KLRD1: variants seen among roughly 807,000 people sequenced by gnomAD.
The protein encoded by KLRD1 is killer cell lectin like receptor D1.
KLRD1 carries 21 observed loss-of-function variants against 22.6 expected under a neutral mutation model. The observed-to-expected ratio is 0.93, with a 90% CI of 0.66 to 1.34. The LOEUF is 1.34. Among genes scored for constraint, KLRD1 ranks in the 40% most tolerant of loss-of-function variants. The pLI is 0.00. For missense variants in KLRD1, 183 were observed against 208.6 expected, an observed-to-expected ratio of 0.88 and a Z score of 0.76; for synonymous variants, 59 against 71.1, an observed-to-expected ratio of 0.83 and a Z score of 0.85.
chr12:10,291,040 A>G (rs1164282170), intron 1 of KLRD1, among the ~76,000 whole-genome samples: 2 of 152,238 alleles, frequency 1.3e-5, no homozygotes, highest in African/African-American at 2.4e-5. Flanking sequence ...AGCAAGTCAC[A>G]TGAATTTTTT....
At chr12:10,239,531 CTT>C (rs772997017) in intron 1 of KLRD1, among the ~76,000 whole-genome samples, 24,228 of 74,272 alleles carry the variant, frequency 0.33, 3,212 homozygotes, top group South Asian at 0.43. Context: ...TTCTTTCTTT[CTT>C]TCTTTCTTTC....
intron 1 of KLRD1, among the ~76,000 whole-genome samples, chr12:10,248,292 A>G (rs370474236): frequency 5.4e-5 from 8 of 148,662 alleles, no homozygotes; most frequent in East Asian, 3.9e-4. Context: ...AAAAAACTCT[A>G]AATAATGAGC....
At chr12:10,265,866 C>T (rs1592040074) in intron 1 of KLRD1, among the ~76,000 whole-genome samples, 1 of 152,322 alleles carries the variant, frequency 6.6e-6, no homozygotes, top group East Asian at 1.9e-4. Flanking sequence ...AGCATAATTT[C>T]CTTTTTCAAT....
chr12:10,311,457 C>T lies in KLRD1; in HGVS notation c.164-7C>T. 1 of 1,610,744 alleles carries T rather than the reference C, an allele frequency of 6.2e-7. No individual in the cohort carries two copies. Among genetic ancestry groups the T allele is most frequent in the South Asian group, 1.1e-5 (1 of 90,918 alleles). On this transcript the variant is annotated splice_region_variant and splice_polypyrimidine_tract_variant and intron_variant, in intron 3 of 5. Coordinates refer to ENST00000336164, the MANE Select transcript of KLRD1 (RefSeq NM_002262.5). ...TGTCATTAGTCATGCTTTATGTTTT[C>T]TGTCAGACTCTGACTGCTGTTCTTG...
chr12:10,271,012 G>C (rs1949544295), intron 1 of KLRD1, among the ~76,000 whole-genome samples: 1 of 151,872 alleles, frequency 6.6e-6, no homozygotes, highest in Non-Finnish European at 1.5e-5. Flanking sequence ...TCGAATTCCT[G>C]ACCTCAGGTG....
At position 10,326,310 on chromosome 12, in the gene KLRD1, A is replaced by T. The variant is rs1950361621; in HGVS notation, c.*11517A>T. 6.6e-6 allele frequency: 1 copy of T among 152,154 alleles called. No homozygotes were observed. The highest frequency in any genetic ancestry group is 1.5e-5 in the Non-Finnish European group (1 of 68,028). The allele number at this position is 152,154 out of a possible 1,614,324, so 9.4% of individuals were successfully genotyped here. ...CCTTTGTGAACCCTGAAAATTTGAGACAGGTCTCAGTTAATTTAGAAAGTT... is the reference window on the plus strand; with the variant it reads ...CCTTTGTGAACCCTGAAAATTTGAGTCAGGTCTCAGTTAATTTAGAAAGTT... On this transcript the variant is annotated 3_prime_UTR_variant, in exon 6 of 6. Coordinates refer to ENST00000336164, the MANE Select transcript of KLRD1 (RefSeq NM_002262.5).
Position 10,326,803 on chromosome 12 carries a change from A to G in KLRD1, c.*12010A>G, listed in dbSNP as rs1950365823. On this transcript the variant is annotated 3_prime_UTR_variant, in exon 6 of 6. Transcript: ENST00000336164. Reference sequence around the variant, plus strand: ...GATGACTTTGAATAGAATGGGAGGCAGTTTTGCCCTAAGCAGTTCCCAGCT... The same window carrying G: ...GATGACTTTGAATAGAATGGGAGGCGGTTTTGCCCTAAGCAGTTCCCAGCT... The G allele has an allele frequency of 6.6e-6, 1 of 152,206 alleles. No homozygotes were observed. 9.4% of individuals were successfully genotyped at this position (152,206 alleles called of 1,614,324 possible).
At chr12:10,306,631 C>A (rs1458076131), upstream of KLRD1, among the ~76,000 whole-genome samples, 2 of 152,122 alleles carry the variant, frequency 1.3e-5, no homozygotes, top group Non-Finnish European at 2.9e-5. Context: ...TTTTCTAACA[C>A]TAAAAATGAA....
At chr12:10,276,571 C>T (rs1481007452) in intron 1 of KLRD1, among the ~76,000 whole-genome samples, 1 of 151,572 alleles carries the variant, frequency 6.6e-6, no homozygotes, top group Non-Finnish European at 1.5e-5. Flanking sequence ...TCTTGTTGCC[C>T]AGGCTGGAGT....
chr12:10,245,138 A>C (rs897817616), intron 1 of KLRD1, among the ~76,000 whole-genome samples: 1 of 152,062 alleles, frequency 6.6e-6, no homozygotes, highest in African/African-American at 2.4e-5. Context: ...TGAGTGGATT[A>C]CATGAGGTCA....
Position 10,314,808 on chromosome 12 carries a change from A to G in KLRD1, c.*15A>G. 1 of 1,600,572 alleles carries G rather than the reference A, an allele frequency of 6.2e-7. No homozygotes were observed. The highest frequency in any genetic ancestry group is 8.5e-7 in the Non-Finnish European group (1 of 1,176,020). On this transcript the variant is annotated 3_prime_UTR_variant, in exon 6 of 6. Coordinates refer to ENST00000336164, the MANE Select transcript of KLRD1 (RefSeq NM_002262.5). ...AGCTCATTTAAATGTTTCTTGGGGC[A>G]GAGAAGGTGGAGAGTAAAGACCCAA...
Position 10,253,464 on chromosome 12 carries a change from C to T in KLRD1, c.-101+27231C>T, listed in dbSNP as rs1949363530. 2.0e-5 allele frequency among the ~76,000 whole-genome samples: 3 copies of T among 152,066 alleles called. No individual in the cohort carries two copies. In the South Asian group the frequency reaches 6.2e-4, roughly 31 times the overall value. ...TGGGGCTACCTGTGAAGGTTTGTTA[C>T]ATGGGTAAACATGTGTCATGGGGGT... is the stretch of plus-strand genomic sequence containing the variant. On this transcript the variant is annotated intron_variant, in intron 1 of 5. Transcript: ENST00000544747.
At chr12:10,256,422 G>T (rs1311271821) in intron 1 of KLRD1, among the ~76,000 whole-genome samples, 2 of 55,660 alleles carry the variant, frequency 3.6e-5, no homozygotes, top group Non-Finnish European at 9.0e-5. Context: ...TTTGTGATTA[G>T]CTGTTTTTTT....
Position 10,322,420 on chromosome 12 carries a change from C to G in KLRD1, c.*7627C>G, listed in dbSNP as rs756621655. The stretch of plus-strand genomic sequence containing the variant: ...TTCTTTGAGGTTCTATTGTTATAAC[C>G]CTTATACAATAAAAAACAACTCTTC... On this transcript the variant is annotated 3_prime_UTR_variant, in exon 6 of 6. Transcript: ENST00000336164. 6 of 152,092 alleles carry G rather than the reference C, an allele frequency of 3.9e-5. No homozygotes were observed. Among genetic ancestry groups the G allele is most frequent in the Non-Finnish European group, 8.8e-5 (6 of 68,020 alleles). The allele number at this position is 152,092 out of a possible 1,614,324, so 9.4% of individuals were successfully genotyped here.
chr12:10,248,021 A>C (rs1351414434), intron 1 of KLRD1, among the ~76,000 whole-genome samples: 1 of 152,190 alleles, frequency 6.6e-6, no homozygotes, highest in African/African-American at 2.4e-5. Context: ...CTCTCAAAAT[A>C]TATGAAGTCT....
chr12:10,265,150 T>C (rs1208688646), intron 1 of KLRD1, among the ~76,000 whole-genome samples: 1 of 152,152 alleles, frequency 6.6e-6, no homozygotes, highest in Non-Finnish European at 1.5e-5. Flanking sequence ...ACCTAGAAAT[T>C]ATTTTTTACT....
At chr12:10,269,195 G>A (rs910537552) in intron 1 of KLRD1, among the ~76,000 whole-genome samples, 27 of 151,984 alleles carry the variant, frequency 1.8e-4, no homozygotes, top group Non-Finnish European at 2.9e-4. Context: ...TTGCCGCCCC[G>A]GCTGGAGTGC....
intron 1 of KLRD1, among the ~76,000 whole-genome samples, chr12:10,276,810 A>G (rs1259533432): frequency 2.6e-5 from 4 of 152,216 alleles, no homozygotes; most frequent in East Asian, 1.9e-4. Context: ...AGAATATGCA[A>G]TCTGGACACA....
At chr12:10,282,110 T>G (rs1592054284) in intron 1 of KLRD1, among the ~76,000 whole-genome samples, 1 of 152,336 alleles carries the variant, frequency 6.6e-6, no homozygotes, top group East Asian at 1.9e-4. Flanking sequence ...TATATGTCAC[T>G]CTTCTATTCA....
Sources: gnomAD v4.1 joint callset for allele counts (sites outside exome capture counted in the v4.1 genomes callset) on GRCh38, gnomAD v4.1.1 for gene constraint, MANE v1.5 for transcripts, NCBI Gene and HGNC (gene_info 2026-07-23, HGNC 2026-07-21) for gene names.